ITPK1: variants seen among roughly 807,000 people sequenced by gnomAD.
ITPK1 encodes the protein inositol-tetrakisphosphate 1-kinase.
In ITPK1, 21 loss-of-function variants were observed where a neutral mutation model predicts 45.3. The ratio of observed to expected loss-of-function variants is 0.46; its 90% CI spans 0.33 to 0.67. The LOEUF is 0.67. ITPK1 is among the 30% of genes least tolerant of loss of function. ITPK1 has a pLI of 0.02. For synonymous variants in ITPK1, 258 were observed against 253.6 expected (o/e 1.02, Z -0.16); for missense variants, 474 against 573.5 (o/e 0.83, Z 1.77).
intron 3 of ITPK1, among the ~76,000 whole-genome samples, chr14:93,050,000 G>A (rs1889937327): frequency 6.6e-6 from 1 of 152,132 alleles, no homozygotes; most frequent in Admixed American, 6.5e-5. Context: ...CCATGGGGGT[G>A]GGCGCCGACA....
rs1889086926 is a variant in ITPK1, at chr14:93,032,056, T to C, written c.121-15255A>G. On this transcript the variant is annotated intron_variant, in intron 3 of 10. Transcript: ENST00000267615. The surrounding 1 kb of genome is among the most constrained non-coding windows in gnomAD (Gnocchi z 4.0). The stretch of plus-strand genomic sequence containing the variant: ...TTTTCCAAACTGGTATTTGATATAA[T>C]AGTAACAAAGCAGCCGGGTGCAGTG... Among the ~76,000 whole-genome samples, 1 of 152,146 alleles carries C rather than the reference T, an allele frequency of 6.6e-6. No homozygotes were observed. The highest frequency in any genetic ancestry group is 1.5e-5 in the Non-Finnish European group (1 of 68,024).
chr14:92,938,399 C>G lies in ITPK1; in HGVS notation c.*3162G>C. On this transcript the variant is annotated 3_prime_UTR_variant, in exon 11 of 11. Transcript: ENST00000267615. Reference sequence around the variant, plus strand: ...CCAGGCTAGAAGGACAAACGACAGGCTGGCTCCCTTGGTCTTGGGGTGGCT... The same window carrying G: ...CCAGGCTAGAAGGACAAACGACAGGGTGGCTCCCTTGGTCTTGGGGTGGCT... The G allele has an allele frequency of 9.4e-7, 1 of 1,063,562 alleles. No homozygotes were observed. Among genetic ancestry groups the G allele is most frequent in the Non-Finnish European group, 1.5e-6 (1 of 681,120 alleles). The allele number at this position is 1,063,562 out of a possible 1,614,324, so 65.9% of individuals were successfully genotyped here.
At chr14:93,042,866 G>T (rs1437408466) in intron 3 of ITPK1, among the ~76,000 whole-genome samples, 1 of 151,972 alleles carries the variant, frequency 6.6e-6, no homozygotes, top group East Asian at 1.9e-4. Flanking sequence ...AAAAACTCAA[G>T]AATTACCCAG....
At chr14:92,943,540 G>T (rs998835539) in intron 10 of ITPK1, among the ~76,000 whole-genome samples, 2 of 152,362 alleles carry the variant, frequency 1.3e-5, no homozygotes, top group African/African-American at 4.8e-5. Context: ...TGGGTGCCTA[G>T]GGAGAAATGC....
intron 2 of ITPK1, among the ~76,000 whole-genome samples, chr14:93,098,728 C>T (rs976570389): frequency 2.0e-5 from 3 of 152,176 alleles, no homozygotes; most frequent in African/African-American, 7.2e-5. Flanking sequence ...TGTGCAGCAC[C>T]GAAAGGCCCA....
intron 2 of ITPK1, among the ~76,000 whole-genome samples, chr14:93,090,593 C>T (rs541115786): frequency 6.6e-6 from 1 of 152,052 alleles, no homozygotes; most frequent in Non-Finnish European, 1.5e-5. Flanking sequence ...GGAATGAGCC[C>T]CATTTGCAGG....
At chr14:93,005,185 C>G (rs867876403) in intron 4 of ITPK1, among the ~76,000 whole-genome samples, 3 of 152,074 alleles carry the variant, frequency 2.0e-5, no homozygotes, top group Admixed American at 6.5e-5. Context: ...TGGTGCTGGC[C>G]TTAGGGGTAT....
At chr14:92,961,284 G>GC (rs1158590717) in intron 7 of ITPK1, among the ~76,000 whole-genome samples, 2 of 152,208 alleles carry the variant, frequency 1.3e-5, no homozygotes, top group Non-Finnish European at 2.9e-5. Context: ...GGTGGTACGG[G>GC]CCCTGGCCCC....
intron 3 of ITPK1, among the ~76,000 whole-genome samples, chr14:93,029,206 T>A (rs540989954): frequency 8.7e-4 from 133 of 152,306 alleles, no homozygotes; most frequent in African/African-American, 3.1e-3. Context: ...ATGAGGGAAC[T>A]CGTGGAAGGT....
chr14:92,965,739 C>G (rs1019518435), intron 5 of ITPK1, among the ~76,000 whole-genome samples: 6 of 152,216 alleles, frequency 3.9e-5, no homozygotes, highest in African/African-American at 1.4e-4. Flanking sequence ...CATGGTGGCT[C>G]ACGCCTGTAA....
At chr14:93,042,148 C>T (rs1318036987) in intron 3 of ITPK1, among the ~76,000 whole-genome samples, 1 of 152,170 alleles carries the variant, frequency 6.6e-6, no homozygotes, top group Non-Finnish European at 1.5e-5. Context: ...AGGAAATTAA[C>T]CTTCTAGAGA....
intron 5 of ITPK1, among the ~76,000 whole-genome samples, chr14:92,969,519 G>C (rs1257489773): frequency 6.6e-6 from 1 of 152,188 alleles, no homozygotes; most frequent in Non-Finnish European, 1.5e-5. Flanking sequence ...GAAGGAACCA[G>C]GCCCAGCTGT....
In ITPK1 at chr14:92,958,138, C is replaced by A; in HGVS notation, c.670+63G>T. Reference sequence around the variant, plus strand: ...GGCAGTGCCGAAGGACAGACAGCTGCTGCCACATCCCAGCTGGGCCCCTGA... The same window carrying A: ...GGCAGTGCCGAAGGACAGACAGCTGATGCCACATCCCAGCTGGGCCCCTGA... On this transcript the variant is annotated intron_variant, in intron 8 of 10. Coordinates refer to ENST00000267615, the MANE Select transcript of ITPK1 (RefSeq NM_014216.6). The surrounding 1 kb of genome is among the most constrained non-coding windows in gnomAD (Gnocchi z 4.4). The A allele has an allele frequency of 6.5e-7, 1 of 1,530,058 alleles. No individual in the cohort carries two copies. Among genetic ancestry groups the A allele is most frequent in the South Asian group, 1.1e-5 (1 of 88,984 alleles). 94.8% of individuals were successfully genotyped at this position (1,530,058 alleles called of 1,614,324 possible).
intron 2 of ITPK1, among the ~76,000 whole-genome samples, 154 bp downstream of exon 2, chr14:93,114,915 A>T (rs1348452410): frequency 2.0e-5 from 3 of 151,510 alleles, no homozygotes; most frequent in African/African-American, 7.3e-5. Flanking sequence ...CGCCACCGCC[A>T]CCTGGCTGCT....
chr14:92,958,283 G>T lies in ITPK1; in HGVS notation c.588C>A (p.Val196=). ...CGCCAACCACGAACACCTTGTACAGGACGGCGTTGTGGTTGATGAAATTCT... is the reference window on the plus strand; with the variant it reads ...CGCCAACCACGAACACCTTGTACAGTACGGCGTTGTGGTTGATGAAATTCT... ...VVQNFINHNA[V]LYKVFVVGES... The change falls in exon 8 of 11, where the codon GTC becomes GTA. Residue 196 remains valine, a synonymous_variant. Transcript: ENST00000267615. This position sits in a 1 kb window ranked among gnomAD's most constrained non-coding sequence, Gnocchi z 4.4. The T allele has an allele frequency of 6.2e-7, 1 of 1,614,214 alleles. No individual in the cohort carries two copies. Among genetic ancestry groups the T allele is most frequent in the Non-Finnish European group, 8.5e-7 (1 of 1,180,024 alleles).
At chr14:92,965,499 G>C (rs1885295080) in intron 5 of ITPK1, among the ~76,000 whole-genome samples, 1 of 152,112 alleles carries the variant, frequency 6.6e-6, no homozygotes, top group African/African-American at 2.4e-5. Context: ...ACGGCCATTA[G>C]GCAAGAAAAA....
At chr14:93,068,661 G>T (rs1890858698) in intron 3 of ITPK1, 1 of 152,218 alleles carries the variant, frequency 6.6e-6, no homozygotes, top group Non-Finnish European at 1.5e-5. Flanking sequence ...GCCAGCTGGG[G>T]TACGCTGGAG....
chr14:93,112,780 G>C (rs1338029782), intron 2 of ITPK1, among the ~76,000 whole-genome samples: 2 of 152,122 alleles, frequency 1.3e-5, no homozygotes, highest in Non-Finnish European at 2.9e-5. Flanking sequence ...TTTTTCATTA[G>C]GGAATTCATA....
intron 5 of ITPK1, among the ~76,000 whole-genome samples, chr14:92,964,888 G>T (rs1885266196): frequency 6.6e-6 from 1 of 152,204 alleles, no homozygotes; most frequent in African/African-American, 2.4e-5. Flanking sequence ...TCAAAACACT[G>T]CATGTGTTCC....
Sources: allele counts gnomAD v4.1 joint callset (sites outside exome capture counted in the v4.1 genomes callset), GRCh38; gene constraint gnomAD v4.1.1; non-coding constraint Gnocchi (gnomAD v3.1); transcripts MANE v1.5; gene names NCBI Gene and HGNC (gene_info 2026-07-23, HGNC 2026-07-21).